RYR2: variants seen among roughly 807,000 people sequenced by gnomAD.
The protein encoded by RYR2 is cardiac muscle ryanodine receptor-calcium release channel.
RYR2 carries 227 observed loss-of-function variants against 601.1 expected under a neutral mutation model. The observed-to-expected ratio is 0.38, with a 90% CI of 0.34 to 0.42. The LOEUF (loss-of-function observed/expected upper bound fraction) is 0.42. RYR2 is among the 10% of genes least tolerant of loss of function. The pLI is 1.00. For missense variants in RYR2, 4,646 were observed against 6,156.5 expected, an observed-to-expected ratio of 0.75 and a Z score of 8.21; for synonymous variants, 2,223 against 2,175.1, an observed-to-expected ratio of 1.02 and a Z score of -0.61.
At chr1:237,665,053 A>G (rs552705333) in intron 56 of RYR2, among the ~76,000 whole-genome samples, 1 of 152,310 alleles carries the variant, frequency 6.6e-6, no homozygotes, top group Admixed American at 6.5e-5. Flanking sequence ...TTTTACATCC[A>G]TTACCTAGTT....
At position 237,500,691 on chromosome 1, in the gene RYR2, T is replaced by A. The variant is rs751987890; in HGVS notation, c.2204-20T>A. 1.9e-6 allele frequency: 3 copies of A among 1,565,298 alleles called. No individual in the cohort carries two copies. In the African/African-American group the frequency reaches 4.1e-5, roughly 21 times the overall value. On this transcript the variant is annotated intron_variant, in intron 20 of 104. Transcript: ENST00000366574. ...AGATAAAAAAATACATGACCTTCCT[T>A]AATGTTTTCCCCCCAATAGGTTGTA...
intron 2 of RYR2, among the ~76,000 whole-genome samples, chr1:237,280,201 T>C (rs1690716876): frequency 6.6e-6 from 1 of 152,296 alleles, no homozygotes; most frequent in South Asian, 2.1e-4. Flanking sequence ...CTTATTCAAG[T>C]GAGAATTTTT....
At chr1:237,348,331 C>CA (rs927864385) in intron 3 of RYR2, among the ~76,000 whole-genome samples, 1 of 152,118 alleles carries the variant, frequency 6.6e-6, no homozygotes, top group Non-Finnish European at 1.5e-5. Context: ...GAAAGCAGAT[C>CA]AAAAGCTCAG....
chr1:237,580,006 TGC>T (rs200597310), intron 29 of RYR2, among the ~76,000 whole-genome samples: 1 of 135,510 alleles, frequency 7.4e-6, no homozygotes, highest in East Asian at 3.2e-4. Flanking sequence ...GGGAAAACCA[TGC>T]ACAGAGTCTT....
intron 3 of RYR2, among the ~76,000 whole-genome samples, chr1:237,354,292 ATTCT>A (rs990965505): frequency 4.6e-5 from 7 of 152,194 alleles, no homozygotes; most frequent in African/African-American, 1.7e-4. Context: ...TTGATTATAA[ATTCT>A]TTCTTCTGAA....
intron 62 of RYR2, among the ~76,000 whole-genome samples, chr1:237,682,348 CT>C (rs1685961427): frequency 6.6e-6 from 1 of 152,146 alleles, no homozygotes; most frequent in African/African-American, 2.4e-5. Flanking sequence ...GGGCTCTAGA[CT>C]AACCCTAGAC....
chr1:237,475,297 A>G (rs1661278377), intron 17 of RYR2, among the ~76,000 whole-genome samples: 1 of 152,204 alleles, frequency 6.6e-6, no homozygotes, highest in Non-Finnish European at 1.5e-5. Context: ...GGAAATTAAA[A>G]TATGTATAGT....
At chr1:237,293,619 A>G (rs893686548) in intron 2 of RYR2, among the ~76,000 whole-genome samples, 22 of 152,178 alleles carry the variant, frequency 1.4e-4, no homozygotes, top group African/African-American at 4.3e-4. Context: ...AGCAGCTCAC[A>G]TAACTCAGGA....
intron 80 of RYR2, among the ~76,000 whole-genome samples, chr1:237,743,191 T>C (rs1437955113): frequency 6.6e-6 from 1 of 152,194 alleles, no homozygotes; most frequent in African/African-American, 2.4e-5. Flanking sequence ...AATATATCAG[T>C]AGCCAGCAAT....
chr1:237,605,771 C>T (rs1325656899), intron 35 of RYR2, among the ~76,000 whole-genome samples: 2 of 151,734 alleles, frequency 1.3e-5, no homozygotes, highest in Admixed American at 1.3e-4. Context: ...TATACACCAA[C>T]AACAGACAAA....
chr1:237,328,456 C>A (rs908390028), intron 2 of RYR2, among the ~76,000 whole-genome samples: 5 of 152,130 alleles, frequency 3.3e-5, no homozygotes, highest in Admixed American at 6.5e-5. Context: ...TGGCCAACTG[C>A]AGACTTTAAA....
At chr1:237,630,873 C>T (rs185266565) in intron 41 of RYR2, among the ~76,000 whole-genome samples, 1 of 152,228 alleles carries the variant, frequency 6.6e-6, no homozygotes, top group East Asian at 1.9e-4. Flanking sequence ...TGTACCTGGA[C>T]TTCATGTATA....
intron 2 of RYR2, among the ~76,000 whole-genome samples, chr1:237,312,585 T>C (rs1412343535): frequency 1.3e-5 from 2 of 152,234 alleles, no homozygotes. Flanking sequence ...TTGAAATGAA[T>C]GTTTGGATAT....
chr1:237,550,579 C>A lies in RYR2; in HGVS notation c.3102C>A (p.Pro1034=). Residue 1034 remains proline, a synonymous_variant, in exon 27 of 105, where the codon CCC becomes CCA. Transcript: ENST00000366574. ...VKNRRNPRLV[P]YTLLDDRTKK... is the part of the protein sequence containing the mutation. ...ACAGAAGAAATCCTCGCCTTGTTCC[C>A]TACACTCTTCTGGATGACCGAACCA... The A allele has an allele frequency of 1.9e-6, 3 of 1,608,332 alleles. No individual in the cohort carries two copies. The East Asian group carries it at 6.7e-5, about 36-fold the overall frequency.
At chr1:237,644,737 A>C (rs1681945692) in intron 48 of RYR2, among the ~76,000 whole-genome samples, 1 of 152,142 alleles carries the variant, frequency 6.6e-6, no homozygotes, top group South Asian at 2.1e-4. Context: ...TTGTAGAACA[A>C]AACATAATTA....
chr1:237,332,481 C>G (rs1185092672), intron 3 of RYR2, among the ~76,000 whole-genome samples: 1 of 152,032 alleles, frequency 6.6e-6, no homozygotes, highest in African/African-American at 2.4e-5. Context: ...TAAACCTTCT[C>G]AGTTATGCTT....
At position 237,801,906 on chromosome 1, in the gene RYR2, T is replaced by A. The variant is rs1434307418; in HGVS notation, c.14141T>A (p.Phe4714Tyr). ...CAGATGTGGAAACTAGGAGTCGTTT[T>A]CACTGACAACGTAAGCCTACTTCAT... Reference protein sequence around the residue: ...KYQMWKLGVVFTDNSFLYLAW... With the variant: ...KYQMWKLGVVYTDNSFLYLAW... Residue 4714 changes from phenylalanine to tyrosine, a missense_variant, in exon 98 of 105, where the codon TTC becomes TAC. This residue lies in a region of RYR2 where 76 missense variants were observed against 97.4 expected (regional missense o/e 0.78). Transcript: ENST00000366574. The A allele has an allele frequency of 6.3e-7, 1 of 1,599,478 alleles. No individual in the cohort carries two copies. The highest frequency in any genetic ancestry group is 8.6e-7 in the Non-Finnish European group (1 of 1,168,218).
rs1359233766 is a variant in RYR2, at chr1:237,792,382, C to CGTGTGTGTGTGTGTGTGTGT, written c.13782+74_13782+75insTGTGTGTGTGTGTGTGTGTG. The stretch of plus-strand genomic sequence containing the variant: ...GTGTGTGTGTGTGTGTGTGTGTGTG[C>CGTGTGTGTGTGTGTGTGTGT]GTGTGTGTGTGTGTGCGTGTGTGTG... On this transcript the variant is annotated intron_variant, in intron 94 of 104. Transcript: ENST00000366574. 27 of 667,026 alleles carry CGTGTGTGTGTGTGTGTGTGT rather than the reference C, an allele frequency of 4.0e-5. 1 individual carries two copies. The highest frequency in any genetic ancestry group is 3.0e-4 in the Admixed American group (9 of 29,570). 41.3% of individuals were successfully genotyped at this position (667,026 alleles called of 1,614,324 possible).
intron 101 of RYR2, 66 bp from the exon 102 acceptor site, chr1:237,828,315 A>G (rs1208552178): frequency 8.7e-7 from 1 of 1,146,364 alleles, no homozygotes; most frequent in Non-Finnish European, 1.3e-6. Flanking sequence ...CCCTGGGGGG[A>G]TTAGCCAAGG....
Sources: gnomAD v4.1 joint callset for allele counts (sites outside exome capture counted in the v4.1 genomes callset) on GRCh38, gnomAD v4.1.1 for gene constraint, gnomAD v4.1.1 regional missense constraint, MANE v1.5 for transcripts, NCBI Gene and HGNC (gene_info 2026-07-23, HGNC 2026-07-21) for gene names.